The following TMLHE variants were observed in gnomAD, a reference collection of about 807,000 sequenced individuals.
TMLHE encodes trimethyllysine dioxygenase, mitochondrial.
Under a neutral mutation model 25.7 loss-of-function variants are expected in TMLHE, and 18 were observed. The observed-to-expected ratio is 0.70, with a 90% CI of 0.48 to 1.04. TMLHE has a LOEUF of 1.04. Among genes scored for constraint, TMLHE ranks in the 50% least tolerant of loss-of-function variants. The pLI, the probability that TMLHE is intolerant of heterozygous loss-of-function variation, is 0.00. For synonymous variants in TMLHE, 105 were observed against 97.0 expected, an observed-to-expected ratio of 1.08 and a Z score of -0.49; for missense variants, 236 against 259.0, an observed-to-expected ratio of 0.91 and a Z score of 0.61.
chrX:155,550,148 A>G (rs1343593834), intron 1 of TMLHE, among the ~76,000 whole-genome samples: 5 of 110,627 alleles, frequency 4.5e-5, no homozygotes, highest in Non-Finnish European at 9.4e-5. Flanking sequence ...GTTGTTTCCA[A>G]GTCTTTGCTA....
At position 155,547,395 on chromosome X, in the gene TMLHE, A is replaced by G. The variant is rs782365028; in HGVS notation, c.-1-2118T>C. On this transcript the variant is annotated intron_variant, in intron 1 of 7. Coordinates refer to ENST00000334398, the MANE Select transcript of TMLHE (RefSeq NM_018196.4). ...TCCTGACCTCGTGATCCGCCGCCTC[A>G]GCCTCCCAAAGTGCTGGGATTACAG... Among the ~76,000 whole-genome samples, 109 of 111,347 alleles carry G rather than the reference A, an allele frequency of 9.8e-4. 1 individual carries two copies. Among genetic ancestry groups the G allele is most frequent in the Non-Finnish European group, 1.6e-3 (87 of 53,038 alleles).
intron 3 of TMLHE, among the ~76,000 whole-genome samples, chrX:155,515,852 G>A (rs1281944732): frequency 2.7e-5 from 3 of 110,033 alleles, no homozygotes; most frequent in Non-Finnish European, 5.7e-5. Context: ...TGTCCATGTT[G>A]TTACATATTG....
chrX:155,548,152 A>C (rs2067367816), intron 1 of TMLHE, among the ~76,000 whole-genome samples: 2 of 112,044 alleles, frequency 1.8e-5, no homozygotes. Context: ...CTACAAGAAA[A>C]CATTGGGGAA....
At chrX:155,578,938 T>C (rs5983656) in intron 1 of TMLHE, among the ~76,000 whole-genome samples, 150 of 112,185 alleles carry the variant, frequency 1.3e-3, no homozygotes, top group African/African-American at 4.8e-3. Context: ...AAAATCAATA[T>C]ACATAAATTA....
intron 3 of TMLHE, among the ~76,000 whole-genome samples, chrX:155,523,831 A>G (rs1453409019): frequency 8.9e-6 from 1 of 112,101 alleles, no homozygotes; most frequent in Admixed American, 9.4e-5. Flanking sequence ...GATTTCTTTC[A>G]TCAGCATTTA....
rs186505226 is a variant in TMLHE at position 155,549,746 on chromosome X, A to G, written c.-1-4469T>C. Among the ~76,000 whole-genome samples the G allele has an allele frequency of 1.7e-4, 19 of 109,853 alleles. No homozygotes were observed. In the East Asian group the frequency reaches 5.1e-3, roughly 29 times the overall value. On this transcript the variant is annotated intron_variant, in intron 1 of 7. Coordinates refer to ENST00000334398, the MANE Select transcript of TMLHE (RefSeq NM_018196.4). Reference sequence around the variant, plus strand: ...ATTTATGCTGGGTTTTTAAAATTGTACTTTAAGTTCTGGGATACATGTGCA... The same window carrying G: ...ATTTATGCTGGGTTTTTAAAATTGTGCTTTAAGTTCTGGGATACATGTGCA...
intron 1 of TMLHE, among the ~76,000 whole-genome samples, chrX:155,609,792 A>T (rs181551739): frequency 8.9e-6 from 1 of 112,405 alleles, no homozygotes; most frequent in Admixed American, 9.4e-5. Context: ...TCAATTAGCC[A>T]TTAAGGAAAT....
At chrX:155,507,226 T>G in intron 5 of TMLHE, 92 bp from the exon 6 acceptor site, 1 of 608,019 alleles carries the variant, frequency 1.6e-6, no homozygotes, top group East Asian at 3.4e-5. Flanking sequence ...CTGAAACTAC[T>G]TGTCATTTTC....
rs1254553804 is a variant in TMLHE at position 155,593,937 on chromosome X, A to G, written c.-2+18855T>C. 2.7e-5 allele frequency among the ~76,000 whole-genome samples: 3 copies of G among 111,295 alleles called. No homozygotes were observed. In the East Asian group the frequency reaches 8.4e-4, roughly 31 times the overall value. ...AGAATGCAGAAAGCCTATGAGAATT[A>G]TGGAACACCATCAAGAGACTTAACA... On this transcript the variant is annotated intron_variant, in intron 1 of 7. Transcript: ENST00000334398.
At chrX:155,524,673 T>C (rs367944763) in intron 2 of TMLHE, 41 bp from the exon 3 acceptor site, 14 of 1,095,888 alleles carry the variant, frequency 1.3e-5, no homozygotes, top group African/African-American at 1.1e-4. Flanking sequence ...TTTATTGAGA[T>C]AACTTTAAAA....
At chrX:155,544,386 GAGA>G (rs2067330758) in intron 2 of TMLHE, among the ~76,000 whole-genome samples, 1 of 111,861 alleles carries the variant, frequency 8.9e-6, no homozygotes, top group Non-Finnish European at 1.9e-5. Context: ...ATTAGATATT[GAGA>G]AGAAGGCCAT....
intron 1 of TMLHE, among the ~76,000 whole-genome samples, chrX:155,586,426 A>G (rs1490831003): frequency 9.0e-6 from 1 of 111,482 alleles, no homozygotes; most frequent in African/African-American, 3.3e-5. Context: ...GAAAGTACAA[A>G]TATTTCAAAT....
At chrX:155,510,120 G>T (rs1432271345) in intron 5 of TMLHE, among the ~76,000 whole-genome samples, 3 of 110,528 alleles carry the variant, frequency 2.7e-5, no homozygotes, top group African/African-American at 6.6e-5. Context: ...CAAAACTAAT[G>T]GTTAGGCAAT....
At chrX:155,510,345 C>T (rs1472783145) in intron 5 of TMLHE, among the ~76,000 whole-genome samples, 8 of 104,111 alleles carry the variant, frequency 7.7e-5, no homozygotes, top group South Asian at 4.7e-4. Flanking sequence ...GTGTGCTGCA[C>T]CCACTAACTC....
intron 1 of TMLHE, among the ~76,000 whole-genome samples, chrX:155,558,040 C>T (rs782409132): frequency 9.0e-6 from 1 of 111,667 alleles, no homozygotes; most frequent in South Asian, 3.8e-4. Flanking sequence ...TAAAATATGT[C>T]AGTGTGTCAC....
chrX:155,542,793 T>G (rs1277142004), intron 2 of TMLHE, among the ~76,000 whole-genome samples: 1 of 111,345 alleles, frequency 9.0e-6, no homozygotes, highest in Non-Finnish European at 1.9e-5. Context: ...AGAAGTCCAC[T>G]GCAATTCTTA....
chrX:155,589,755 A>G (rs1259669284), intron 1 of TMLHE, among the ~76,000 whole-genome samples: 2 of 111,711 alleles, frequency 1.8e-5, no homozygotes, highest in Non-Finnish European at 3.8e-5. Flanking sequence ...AATGTATTAT[A>G]TATTCCAAAG....
chrX:155,515,384 T>C (rs2067145322), intron 3 of TMLHE, among the ~76,000 whole-genome samples: 1 of 110,504 alleles, frequency 9.0e-6, no homozygotes, highest in Non-Finnish European at 1.9e-5. Flanking sequence ...CATCTGTTAT[T>C]CTGGGTATGT....
chrX:155,522,126 C>G (rs782273501), intron 3 of TMLHE, among the ~76,000 whole-genome samples: 1 of 112,666 alleles, frequency 8.9e-6, no homozygotes, highest in East Asian at 2.8e-4. Flanking sequence ...ATACATTTTG[C>G]TAATATTTTG....
Sources: gnomAD v4.1 joint callset for allele counts (sites outside exome capture counted in the v4.1 genomes callset) on GRCh38, gnomAD v4.1.1 for gene constraint, MANE v1.5 for transcripts, NCBI Gene and HGNC (gene_info 2026-07-23, HGNC 2026-07-21) for gene names.